Variants in ZNF827 observed in about 807,000 individuals in gnomAD.
ZNF827 encodes the protein zinc finger protein 827.
Under a neutral mutation model 102.4 loss-of-function variants are expected in ZNF827, and 13 were observed. The observed-to-expected ratio is 0.13, with a 90% CI of 0.08 to 0.20. ZNF827 has a LOEUF of 0.20. Ranked by LOEUF, ZNF827 falls within the 10% of genes least tolerant of loss-of-function variation. ZNF827 has a pLI of 1.00. For synonymous variants in ZNF827, 523 were observed against 536.2 expected (o/e 0.98, Z 0.34); for missense variants, 1,103 against 1,344.4 (o/e 0.82, Z 2.81).
chr4:145,765,425 A>G lies in ZNF827; in HGVS notation c.3052+122T>C. 1 of 1,234,162 alleles carries G rather than the reference A, an allele frequency of 8.1e-7. No individual in the cohort carries two copies. The highest frequency in any genetic ancestry group is 2.5e-5 in the East Asian group (1 of 40,422). 76.5% of individuals were successfully genotyped at this position (1,234,162 alleles called of 1,614,324 possible). A position where few individuals can be genotyped will look rare whatever the true frequency, so the allele number is the denominator to read the frequency against. ...GAAATACAACCTTTAGGTGAGGCCC[A>G]GCATACTGCATCCTGGGCCTATTAT... On this transcript the variant is annotated intron_variant, in intron 12 of 14. Transcript: ENST00000508784. The surrounding 1 kb of genome is among the most constrained non-coding windows in gnomAD (Gnocchi z 4.7).
intron 5 of ZNF827, among the ~76,000 whole-genome samples, chr4:145,861,564 C>T (rs769200996): frequency 6.6e-5 from 10 of 152,170 alleles, no homozygotes; most frequent in Non-Finnish European, 1.3e-4. Flanking sequence ...GATTAGGTAA[C>T]ATCTGTAGTC....
At chr4:145,900,756 C>A (rs111421234) in intron 2 of ZNF827, among the ~76,000 whole-genome samples, 24 of 152,226 alleles carry the variant, frequency 1.6e-4, no homozygotes, top group African/African-American at 5.3e-4. Flanking sequence ...CTACTGCTAT[C>A]CCTAAATGAA....
At chr4:145,880,168 G>A (rs1335480886) in intron 4 of ZNF827, among the ~76,000 whole-genome samples, 1 of 152,190 alleles carries the variant, frequency 6.6e-6, no homozygotes, top group South Asian at 2.1e-4. Flanking sequence ...CCGGGAGGCG[G>A]ATGTTTCAGT....
At chr4:145,833,525 C>T (rs1744474171) in intron 7 of ZNF827, among the ~76,000 whole-genome samples, 1 of 152,004 alleles carries the variant, frequency 6.6e-6, no homozygotes, top group Admixed American at 6.5e-5. Context: ...GTGTCTCTAC[C>T]CCTTCTCTGC....
chr4:145,918,426 A>G (rs1270385449), intron 1 of ZNF827, among the ~76,000 whole-genome samples: 1 of 150,468 alleles, frequency 6.6e-6, no homozygotes, highest in South Asian at 2.1e-4. Flanking sequence ...AAAAAAAAAA[A>G]GCGGAATGGT....
chr4:145,849,468 C>T lies in ZNF827; in HGVS notation c.2075G>A (p.Arg692Gln), dbSNP rs202021632. Residue 692 changes from arginine (R) to glutamine (Q), a missense_variant, in exon 6 of 15, where the codon CGG (arginine) becomes CAG (glutamine). By Grantham distance (43) the Arg-to-Gln change is conservative. Coordinates refer to ENST00000508784, the MANE Select transcript of ZNF827 (RefSeq NM_001306215.2). ...GATTAAAGTGCTGTAGCCAACATTC[C>T]GGCTGGGTGATATCGAGACATGGGA... ...QDSHVSISPS[R>Q]NVGYSTLIGR... 298 of 1,614,032 alleles carry T rather than the reference C, an allele frequency of 1.8e-4. No homozygotes were observed. Among genetic ancestry groups the T allele is most frequent in the Non-Finnish European group, 2.3e-4 (276 of 1,180,026 alleles).
At chr4:145,771,700 G>A (rs1172629082) in intron 11 of ZNF827, among the ~76,000 whole-genome samples, 1 of 152,166 alleles carries the variant, frequency 6.6e-6, no homozygotes, top group East Asian at 1.9e-4. Flanking sequence ...AGGCATGCCT[G>A]GAGTAACACC....
chr4:145,797,414 G>A (rs116416225), intron 8 of ZNF827, among the ~76,000 whole-genome samples: 1 of 152,130 alleles, frequency 6.6e-6, no homozygotes, highest in Non-Finnish European at 1.5e-5. Context: ...TATAATAACA[G>A]CCAGAGGATT....
chr4:145,855,393 C>A (rs1331544725), intron 5 of ZNF827, among the ~76,000 whole-genome samples: 3 of 152,208 alleles, frequency 2.0e-5, no homozygotes, highest in African/African-American at 7.2e-5. Context: ...ACACCCTCCA[C>A]ATATGAAATT....
At chr4:145,910,432 C>A (rs533999313) in intron 1 of ZNF827, among the ~76,000 whole-genome samples, 1 of 152,240 alleles carries the variant, frequency 6.6e-6, no homozygotes, top group East Asian at 1.9e-4. Context: ...CAAAACCATG[C>A]CACCTCCCTT....
rs748990429 is a variant in ZNF827, at chr4:145,870,431, C to T, written c.1795G>A (p.Glu599Lys). 5.6e-6 allele frequency: 9 copies of T among 1,614,098 alleles called. No individual in the cohort carries two copies. The East Asian group carries it at 2.0e-4, about 36-fold the overall frequency. ...CTTAGGGACTCCCCTTCCTTAGGCTCCTCTTTCACTTTAAAATTAAGATTC... is the reference window on the plus strand; with the variant it reads ...CTTAGGGACTCCCCTTCCTTAGGCTTCTCTTTCACTTTAAAATTAAGATTC... ...PMNLNFKVKE[E>K]PKEGESLSTT... Residue 599 changes from glutamate to lysine, a missense_variant, in exon 5 of 15, where the codon GAG becomes AAG. Glu to Lys is a moderately conservative substitution (Grantham distance 56, BLOSUM62 1). Transcript: ENST00000508784.
At chr4:145,786,933 T>C (rs1399071715) in intron 8 of ZNF827, among the ~76,000 whole-genome samples, 1 of 152,188 alleles carries the variant, frequency 6.6e-6, no homozygotes, top group Non-Finnish European at 1.5e-5. Flanking sequence ...GCAGCCACAA[T>C]GCAGATGGCT....
intron 1 of ZNF827, among the ~76,000 whole-genome samples, chr4:145,917,014 C>T (rs1029486919): frequency 1.0e-5 from 1 of 95,956 alleles, no homozygotes; most frequent in African/African-American, 1.0e-4. Context: ...ACATTCCGAT[C>T]ACAGCCCTTA....
intron 4 of ZNF827, among the ~76,000 whole-genome samples, chr4:145,874,425 A>G (rs1391280903): frequency 1.3e-5 from 2 of 152,238 alleles, no homozygotes; most frequent in African/African-American, 4.8e-5. Flanking sequence ...GTCTCAATAG[A>G]AGACGTAAAA....
intron 3 of ZNF827, among the ~76,000 whole-genome samples, chr4:145,886,562 T>C (rs140159021): frequency 7.0e-4 from 107 of 152,344 alleles, no homozygotes; most frequent in African/African-American, 2.3e-3. Flanking sequence ...AATGATACTT[T>C]GCATTCATCC....
intron 1 of ZNF827, among the ~76,000 whole-genome samples, chr4:145,931,998 A>ATC (rs1753841807): frequency 6.6e-6 from 1 of 152,072 alleles, no homozygotes; most frequent in Non-Finnish European, 1.5e-5. Context: ...GTGAGGGTAG[A>ATC]CCTCTCAAGA....
chr4:145,923,049 A>C (rs556853795), intron 1 of ZNF827, among the ~76,000 whole-genome samples: 2 of 152,334 alleles, frequency 1.3e-5, no homozygotes, highest in Non-Finnish European at 2.9e-5. Flanking sequence ...TCAGTGAACC[A>C]ATATTTTCCA....
intron 5 of ZNF827, among the ~76,000 whole-genome samples, chr4:145,864,420 CAAAA>C (rs34745619): frequency 3.3e-5 from 2 of 60,806 alleles, no homozygotes; most frequent in Admixed American, 2.0e-4. Context: ...CTTGTCTCTA[CAAAA>C]AAAAAAAAAA....
At chr4:145,875,551 T>C (rs918169891) in intron 4 of ZNF827, among the ~76,000 whole-genome samples, 2 of 152,222 alleles carry the variant, frequency 1.3e-5, no homozygotes, top group Non-Finnish European at 2.9e-5. Flanking sequence ...GGACATTTTC[T>C]GGTAGGAAGA....
Sources: gnomAD v4.1 joint callset for allele counts (sites outside exome capture counted in the v4.1 genomes callset) on GRCh38, gnomAD v4.1.1 for gene constraint, Gnocchi (gnomAD v3.1) non-coding constraint, MANE v1.5 for transcripts, NCBI Gene and HGNC (gene_info 2026-07-23, HGNC 2026-07-21) for gene names.